Variants in CAST observed in about 807,000 individuals in gnomAD.
CAST encodes the protein MIR583 host.
Under a neutral mutation model 119.6 loss-of-function variants are expected in CAST, and 76 were observed. The ratio of observed to expected loss-of-function variants is 0.64; its 90% CI spans 0.53 to 0.77. CAST has a LOEUF of 0.77. Ranked by LOEUF, CAST falls within the 30% of genes least tolerant of loss-of-function variation. The pLI is 0.00. For missense variants in CAST, 953 were observed against 946.5 expected (o/e 1.01, Z -0.09); for synonymous variants, 319 against 331.6 (o/e 0.96, Z 0.41).
intron 15 of CAST, chr5:96,741,804 A>G (rs767894574): frequency 2.1e-6 from 1 of 473,600 alleles, no homozygotes. Context: ...TGTCTCAGTC[A>G]TCATCTAAGA....
intron 3 of CAST, among the ~76,000 whole-genome samples, chr5:96,697,175 G>C (rs945297588): frequency 6.6e-5 from 10 of 150,466 alleles, no homozygotes; most frequent in Non-Finnish European, 1.3e-4. Context: ...TCAAAAAAAA[G>C]AAAAAAAAAG....
At chr5:96,376,322 T>C in the CAST span, among the ~76,000 whole-genome samples, 1 of 152,282 alleles carries the variant, frequency 6.6e-6, no homozygotes, top group East Asian at 1.9e-4. Flanking sequence ...CGTCCAGTGG[T>C]ATAAAAGTAT....
chr5:96,458,988 C>T, the CAST span, among the ~76,000 whole-genome samples: 1 of 151,990 alleles, frequency 6.6e-6, no homozygotes, highest in Non-Finnish European at 1.5e-5. Context: ...GTTTTAACGT[C>T]CTTGAAGATG....
chr5:96,254,439 T>C, the CAST span, among the ~76,000 whole-genome samples: 1 of 152,286 alleles, frequency 6.6e-6, no homozygotes, highest in East Asian at 1.9e-4. Flanking sequence ...CTCTTTTGAC[T>C]TCTAATTTTC....
the CAST span, among the ~76,000 whole-genome samples, chr5:96,140,528 G>T: frequency 6.6e-6 from 1 of 152,168 alleles, no homozygotes; most frequent in Non-Finnish European, 1.5e-5. Context: ...CTGAAAGCAC[G>T]GTTTTTAGAG....
the CAST span, among the ~76,000 whole-genome samples, chr5:95,985,487 T>G: frequency 6.6e-6 from 1 of 152,316 alleles, no homozygotes; most frequent in East Asian, 1.9e-4. Flanking sequence ...CAAGTGGAAA[T>G]GCTCTGCTCA....
In CAST at chr5:96,754,015, G is replaced by A. The variant is rs117236240; in HGVS notation, c.1525-45G>A. 4.6e-3 allele frequency: 5,032 copies of A among 1,083,128 alleles called. 109 individuals carry two copies. In the Admixed American group the frequency reaches 0.047, roughly 10 times the overall value. The allele number at this position is 1,083,128 out of a possible 1,614,324, so 67.1% of individuals were successfully genotyped here. A position where few individuals can be genotyped will look rare whatever the true frequency, so the allele number is the denominator to read the frequency against. ...GAATTGATAGCATATGTTTTAAAGGGAGTGATTAACCACCTACTTAATATA... is the reference window on the plus strand; with the variant it reads ...GAATTGATAGCATATGTTTTAAAGGAAGTGATTAACCACCTACTTAATATA... On this transcript the variant is annotated intron_variant, in intron 20 of 31. Coordinates refer to ENST00000675179, the MANE Select transcript of CAST (RefSeq NM_001750.7).
At chr5:96,446,543 T>C in the CAST span, among the ~76,000 whole-genome samples, 1 of 152,200 alleles carries the variant, frequency 6.6e-6, no homozygotes, top group African/African-American at 2.4e-5. Flanking sequence ...TCAGAGAGGA[T>C]GCAGGGTTTT....
the CAST span, among the ~76,000 whole-genome samples, chr5:96,217,345 TA>T: frequency 1.1e-3 from 159 of 149,220 alleles, no homozygotes; most frequent in African/African-American, 3.5e-3. Flanking sequence ...GTGGCCAAAT[TA>T]AATTTTTTTT....
intron 2 of CAST, among the ~76,000 whole-genome samples, chr5:96,682,950 T>C (rs568754848): frequency 6.6e-6 from 1 of 152,240 alleles, no homozygotes; most frequent in South Asian, 2.1e-4. Context: ...AGCATGCTAC[T>C]GCCACACCCT....
chr5:96,270,633 A>G, the CAST span, among the ~76,000 whole-genome samples: 3 of 152,114 alleles, frequency 2.0e-5, no homozygotes, highest in African/African-American at 7.2e-5. Context: ...ACATGTTCTC[A>G]CTTACAAGTG....
At chr5:96,132,898 T>C in the CAST span, among the ~76,000 whole-genome samples, 4 of 152,122 alleles carry the variant, frequency 2.6e-5, no homozygotes. Flanking sequence ...TCTAGACATA[T>C]GAATATAAGA....
At chr5:96,394,751 C>T in the CAST span, 6 of 895,874 alleles carry the variant, frequency 6.7e-6, no homozygotes, top group African/African-American at 8.2e-5. Context: ...CACTTCTTAT[C>T]CTCCCCATCC....
chr5:96,607,390 A>C (rs1435842536), intron 1 of CAST, among the ~76,000 whole-genome samples: 3 of 152,248 alleles, frequency 2.0e-5, no homozygotes, highest in Non-Finnish European at 2.9e-5. Context: ...TTTTCACTTC[A>C]TTCACTGCTG....
upstream of CAST, chr5:96,662,323 C>CCCAA: frequency 3.9e-6 from 1 of 259,716 alleles, no homozygotes; most frequent in Non-Finnish European, 7.3e-6. Flanking sequence ...GCCCTCCGCT[C>CCCAA]CCTCCCTCCC....
chr5:96,275,897 G>A, the CAST span, among the ~76,000 whole-genome samples: 1 of 152,184 alleles, frequency 6.6e-6, no homozygotes, highest in Non-Finnish European at 1.5e-5. Context: ...TTATTGAGAA[G>A]AGCACAACTG....
At chr5:96,680,354 C>CAAAAAAAAAAAAAAAAAAAAAA (rs71617135) in intron 2 of CAST, among the ~76,000 whole-genome samples, 3 of 29,264 alleles carry the variant, frequency 1.0e-4, no homozygotes, top group African/African-American at 1.5e-4. Context: ...GACTCTGTCT[C>CAAAAAAAAAAAAAAAAAAAAAA]AAAAAAAAAA....
the CAST span, among the ~76,000 whole-genome samples, chr5:96,139,546 A>G: frequency 1.2e-5 from 1 of 84,348 alleles, no homozygotes; most frequent in Non-Finnish European, 2.5e-5. Context: ...ATATATGTAT[A>G]TGTATATATA....
chr5:96,267,384 A>C, the CAST span, among the ~76,000 whole-genome samples: 2 of 152,206 alleles, frequency 1.3e-5, no homozygotes, highest in African/African-American at 4.8e-5. Flanking sequence ...ATAATAATCA[A>C]ATTTTCAAAA....
Sources: allele counts gnomAD v4.1 joint callset (sites outside exome capture counted in the v4.1 genomes callset), GRCh38; gene constraint gnomAD v4.1.1; transcripts MANE v1.5; gene names NCBI Gene and HGNC (gene_info 2026-07-23, HGNC 2026-07-21).